Variants in CMTR1 observed in about 807,000 individuals in gnomAD.
CMTR1 encodes the protein cap methyltransferase 1.
CMTR1 carries 39 observed loss-of-function variants against 107.0 expected under a neutral mutation model. The ratio of observed to expected loss-of-function variants is 0.36; its 90% CI spans 0.28 to 0.48. The LOEUF (loss-of-function observed/expected upper bound fraction) is 0.48. CMTR1 is among the 20% of genes least tolerant of loss of function. The probability of loss-of-function intolerance (pLI) is 0.99; values close to 1 mark genes in which losing one functional copy is unlikely to be tolerated. For synonymous variants in CMTR1, 366 were observed against 379.5 expected, an observed-to-expected ratio of 0.96 and a Z score of 0.41; for missense variants, 672 against 1,064.9, an observed-to-expected ratio of 0.63 and a Z score of 5.14.
chr6:37,451,662 T>C, intron 5 of CMTR1, 144 bp from the exon 6 acceptor site: 1 of 613,920 alleles, frequency 1.6e-6, no homozygotes. Context: ...GGATTTTCTC[T>C]TTCCCACCCT....
the CMTR1 span, among the ~76,000 whole-genome samples, chr6:37,426,700 A>G: frequency 6.6e-6 from 1 of 151,866 alleles, no homozygotes; most frequent in African/African-American, 2.4e-5. Context: ...CACGTGGCCA[A>G]TTTTCCTCAG....
rs144104640 is a variant in CMTR1, at chr6:37,454,657, A to G, written c.777+1345A>G. ...GGGTTGTACCATTCAGGTTGAGGGT[A>G]GAGGTGTTAGTTACATAGGAAAAGG... On this transcript the variant is annotated intron_variant, in intron 8 of 23. Coordinates refer to ENST00000373451, the MANE Select transcript of CMTR1 (RefSeq NM_015050.3). Among the ~76,000 whole-genome samples the G allele has an allele frequency of 4.2e-3, 639 of 152,284 alleles. 5 individuals are homozygous for G. Among genetic ancestry groups the G allele is most frequent in the African/African-American group, 0.014 (563 of 41,546 alleles).
At chr6:37,471,716 A>G (rs1761631115) in intron 14 of CMTR1, 131 bp from the exon 15 acceptor site, 1 of 696,156 alleles carries the variant, frequency 1.4e-6, no homozygotes, top group South Asian at 2.0e-5. Context: ...GGCCAGTGGC[A>G]GCATAGTGTC....
chr6:37,463,353 G>A (rs1176470652), intron 13 of CMTR1, among the ~76,000 whole-genome samples: 4 of 152,186 alleles, frequency 2.6e-5, no homozygotes, highest in Non-Finnish European at 5.9e-5. Context: ...AGGCCATCAT[G>A]CTTGTTGCCT....
At chr6:37,465,426 CATT>C (rs1450346133) in intron 13 of CMTR1, among the ~76,000 whole-genome samples, 1 of 152,132 alleles carries the variant, frequency 6.6e-6, no homozygotes, top group Non-Finnish European at 1.5e-5. Flanking sequence ...AGTGTTACAT[CATT>C]GTGGTTTCAA....
intron 2 of CMTR1, among the ~76,000 whole-genome samples, chr6:37,437,451 CG>C (rs1771557755): frequency 7.2e-6 from 1 of 139,200 alleles, no homozygotes; most frequent in South Asian, 2.2e-4. Flanking sequence ...GGCGTGAACC[CG>C]GGAGGCAGAG....
intron 21 of CMTR1, 96 bp downstream of exon 21, chr6:37,477,735 C>CGGGGGGGGG: frequency 4.6e-5 from 17 of 373,494 alleles, no homozygotes; most frequent in South Asian, 2.3e-4. Context: ...GGGTCGGGGG[C>CGGGGGGGGG]GGGGGGTGGT....
chr6:37,426,635 G>T, the CMTR1 span, among the ~76,000 whole-genome samples: 1 of 151,882 alleles, frequency 6.6e-6, no homozygotes, highest in Non-Finnish European at 1.5e-5. Context: ...CCAGGTTCAA[G>T]CTATCCTCCC....
Position 37,472,089 on chromosome 6 carries a change from G to T in CMTR1, c.1620+185G>T, listed in dbSNP as rs147145702. ...TACGTCCTTGGCCCTTTCACTGCTG[G>T]TTTGGCCCTGCAGCTGGGTCAGAAA... is the stretch of plus-strand genomic sequence containing the variant. On this transcript the variant is annotated intron_variant, in intron 15 of 23. Coordinates refer to ENST00000373451, the MANE Select transcript of CMTR1 (RefSeq NM_015050.3). This position sits in a 1 kb window ranked among gnomAD's most constrained non-coding sequence, Gnocchi z 4.1. Among the ~76,000 whole-genome samples, 616 of 152,276 alleles carry T rather than the reference G, an allele frequency of 4.0e-3. 5 individuals are homozygous for T. Among genetic ancestry groups the T allele is most frequent in the African/African-American group, 0.013 (540 of 41,548 alleles).
chr6:37,442,094 A>G (rs1771688473), intron 2 of CMTR1, among the ~76,000 whole-genome samples: 1 of 152,224 alleles, frequency 6.6e-6, no homozygotes, highest in Non-Finnish European at 1.5e-5. Flanking sequence ...GAAAATGCAT[A>G]TTAACCTTAT....
rs145325185 is a variant in CMTR1 at position 37,445,054 on chromosome 6, A to G, written c.285+904A>G. 1.1e-4 allele frequency among the ~76,000 whole-genome samples: 16 copies of G among 152,264 alleles called. No homozygotes were observed. In the East Asian group the frequency reaches 3.1e-3, roughly 29 times the overall value. Reference sequence around the variant, plus strand: ...AAATAAAAAAAAAGAAAGAAATATTATAGTTGACCCCTCCATTTTCTCTTA... The same window carrying G: ...AAATAAAAAAAAAGAAAGAAATATTGTAGTTGACCCCTCCATTTTCTCTTA... On this transcript the variant is annotated intron_variant, in intron 3 of 23. Transcript: ENST00000373451.
At chr6:37,473,182 A>C (rs1053224108) in intron 16 of CMTR1, among the ~76,000 whole-genome samples, 1 of 152,110 alleles carries the variant, frequency 6.6e-6, no homozygotes, top group Non-Finnish European at 1.5e-5. Flanking sequence ...CAGCTTTTAT[A>C]TTCTGGTGAC....
At position 37,453,221 on chromosome 6, in the gene CMTR1, C is replaced by G. The variant is rs760023576; in HGVS notation, c.705-19C>G. 1 of 1,614,006 alleles carries G rather than the reference C, an allele frequency of 6.2e-7. No individual in the cohort carries two copies. The highest frequency in any genetic ancestry group is 1.1e-5 in the South Asian group (1 of 91,070). ...TGAGCCTAGTACATCTAGTACTTTT[C>G]TGTCTTGCTTTATTGCAGGGCAGCA... On this transcript the variant is annotated intron_variant, in intron 7 of 23. Transcript: ENST00000373451.
At position 37,471,902 on chromosome 6, in the gene CMTR1, G is replaced by C; in HGVS notation, c.1618G>C (p.Gly540Arg). ...ACGGAAGGAGTGCCTCCGACTCTGG[G>C]GGGTGAGTATCTCCCCCGCCCATTG... is the stretch of plus-strand genomic sequence containing the variant. ...EIRKECLRLW[G>R]IPDQARVAPS... The change falls in exon 15 of 24, where the codon GGG (glycine) becomes CGG (arginine). Residue 540 changes from glycine to arginine, a missense_variant and splice_region_variant. Around this residue, in one of 2 missense-constraint regions of CMTR1, gnomAD observed 583 missense variants for 968.4 expected, o/e 0.60. Transcript: ENST00000373451. 1.2e-6 allele frequency: 2 copies of C among 1,613,080 alleles called. No individual in the cohort carries two copies. Among genetic ancestry groups the C allele is most frequent in the Non-Finnish European group, 1.7e-6 (2 of 1,179,800 alleles).
Position 37,480,676 on chromosome 6 carries a change from C to T in CMTR1, c.*531C>T, listed in dbSNP as rs778050325. ...TCTTTGAACTTACTCTGTTTTGATG[C>T]CAAATTGGAGACCATTTTCTTGTCT... is the stretch of plus-strand genomic sequence containing the variant. On this transcript the variant is annotated 3_prime_UTR_variant, in exon 24 of 24. Coordinates refer to ENST00000373451, the MANE Select transcript of CMTR1 (RefSeq NM_015050.3). 8.2e-5 allele frequency: 84 copies of T among 1,021,202 alleles called. No homozygotes were observed. The highest frequency in any genetic ancestry group is 9.5e-5 in the Non-Finnish European group (81 of 853,606). 63.3% of individuals were successfully genotyped at this position (1,021,202 alleles called of 1,614,324 possible).
In CMTR1 at chr6:37,461,568, A is replaced by G; in HGVS notation, c.1115A>G (p.Gln372Arg). 2 of 1,603,004 alleles carry G rather than the reference A, an allele frequency of 1.2e-6. No homozygotes were observed. The highest frequency in any genetic ancestry group is 1.7e-5 in the Admixed American group (1 of 58,496). ...TTTCAGGGTTTCTCGGTGGAGGGGC[A>G]GGAGAACCTGCAGGAGATCCTCAGC... The part of the protein sequence containing the change: ...MADGGFSVEG[Q>R]ENLQEILSKQ... The change falls in exon 11 of 24, where the codon CAG becomes CGG. Residue 372 changes from glutamine to arginine, a missense_variant. By Grantham distance (43) the Gln-to-Arg change is conservative. This residue lies in a region of CMTR1 where 583 missense variants were observed against 968.4 expected (regional missense o/e 0.60). Transcript: ENST00000373451.
At chr6:37,461,797 G>A in intron 11 of CMTR1, 152 bp downstream of exon 11, 1 of 869,478 alleles carries the variant, frequency 1.2e-6, no homozygotes. Context: ...AGAAAGGGCT[G>A]TGGAATCCTC....
Position 37,475,424 on chromosome 6 carries a change from G to T in CMTR1, c.2036+12G>T. On this transcript the variant is annotated intron_variant, in intron 19 of 23. Transcript: ENST00000373451. ...CACTTTAACCAGCGGTCTGACCTGG[G>T]CCCCAGGGTAGGGAGGGTGGGGGTA... The T allele has an allele frequency of 7.1e-7, 1 of 1,406,564 alleles. No homozygotes were observed. Among genetic ancestry groups the T allele is most frequent in the Non-Finnish European group, 1.0e-6 (1 of 999,594 alleles). 87.1% of individuals were successfully genotyped at this position (1,406,564 alleles called of 1,614,324 possible).
intron 10 of CMTR1, 44 bp from the exon 11 acceptor site, chr6:37,461,505 T>C: frequency 9.1e-7 from 1 of 1,096,868 alleles, no homozygotes; most frequent in Admixed American, 2.0e-5. Context: ...TCTTAGTCCT[T>C]CTCTTTTCTC....
Sources: allele counts gnomAD v4.1 joint callset (sites outside exome capture counted in the v4.1 genomes callset), GRCh38; gene constraint gnomAD v4.1.1; regional missense constraint gnomAD v4.1.1; non-coding constraint Gnocchi (gnomAD v3.1); transcripts MANE v1.5; gene names NCBI Gene and HGNC (gene_info 2026-07-23, HGNC 2026-07-21).